The following KIRREL3 variants were observed in gnomAD, a reference collection of about 807,000 sequenced individuals.
KIRREL3 encodes the protein kirre like nephrin family adhesion molecule 3.
Under a neutral mutation model 89.7 loss-of-function variants are expected in KIRREL3, and 36 were observed. That is an observed-to-expected ratio of 0.40 (90% CI 0.31 to 0.53). The LOEUF is 0.53. Ranked by LOEUF, KIRREL3 falls within the 20% of genes least tolerant of loss-of-function variation. KIRREL3 has a pLI of 0.49. For synonymous variants in KIRREL3, 445 were observed against 441.4 expected, an observed-to-expected ratio of 1.01 and a Z score of -0.10; for missense variants, 864 against 1,056.6, an observed-to-expected ratio of 0.82 and a Z score of 2.53.
rs1218302351 is a variant in KIRREL3 at position 126,825,362 on chromosome 11, A to C, written c.55+175093T>G. 2.0e-5 allele frequency among the ~76,000 whole-genome samples: 3 copies of C among 152,244 alleles called. No homozygotes were observed. In the East Asian group the frequency reaches 5.8e-4, roughly 29 times the overall value. On this transcript the variant is annotated intron_variant, in intron 1 of 16. Transcript: ENST00000525144. ...CAAAATACCTAGGATTACAAAAGCC[A>C]GTTATTACATTGAAATACAATTATA...
chr11:126,603,595 T>A (rs1247405101), intron 1 of KIRREL3, among the ~76,000 whole-genome samples: 2 of 152,228 alleles, frequency 1.3e-5, no homozygotes, highest in South Asian at 2.1e-4. Flanking sequence ...GGGAGGAACA[T>A]GCTTGGGTCT....
intron 12 of KIRREL3, among the ~76,000 whole-genome samples, chr11:126,436,477 A>C (rs949989556): frequency 6.6e-6 from 1 of 152,250 alleles, no homozygotes; most frequent in African/African-American, 2.4e-5. Flanking sequence ...CACAGAAGCC[A>C]GGGCCTCTGG....
intron 1 of KIRREL3, among the ~76,000 whole-genome samples, chr11:126,726,376 T>C (rs570377711): frequency 6.6e-6 from 1 of 151,984 alleles, no homozygotes; most frequent in Admixed American, 6.5e-5. Context: ...ATGCCTCCTT[T>C]TTTTCTTTTT....
intron 1 of KIRREL3, among the ~76,000 whole-genome samples, chr11:126,629,400 C>T (rs1284373448): frequency 6.6e-6 from 1 of 152,046 alleles, no homozygotes; most frequent in Non-Finnish European, 1.5e-5. Context: ...CTCTGGGGGG[C>T]CAGCTGGGAG....
chr11:126,450,396 T>TGC (rs1956006700), intron 7 of KIRREL3, among the ~76,000 whole-genome samples: 1 of 150,416 alleles, frequency 6.6e-6, no homozygotes, highest in African/African-American at 2.5e-5. Context: ...AGTGTGGGTA[T>TGC]GTGTGAGTGT....
chr11:126,745,049 T>TCC (rs1422946402), intron 1 of KIRREL3, among the ~76,000 whole-genome samples: 2 of 152,128 alleles, frequency 1.3e-5, no homozygotes, highest in Admixed American at 1.3e-4. Flanking sequence ...GAGACCCTGG[T>TCC]CACCACTGGG....
chr11:126,921,040 A>C (rs1276189210), intron 1 of KIRREL3, among the ~76,000 whole-genome samples: 2 of 152,222 alleles, frequency 1.3e-5, no homozygotes, highest in African/African-American at 4.8e-5. Context: ...CCCTGTGGGC[A>C]CAGACCATCA....
At chr11:126,730,323 T>A (rs139023588) in intron 1 of KIRREL3, among the ~76,000 whole-genome samples, 7 of 152,304 alleles carry the variant, frequency 4.6e-5, no homozygotes, top group Non-Finnish European at 8.8e-5. Flanking sequence ...CTCTGCACCA[T>A]CAACATCCCC....
rs139512203 is a variant in KIRREL3 at position 126,851,737 on chromosome 11, G to A, written c.55+148718C>T. On this transcript the variant is annotated intron_variant, in intron 1 of 16. Coordinates refer to ENST00000525144, the MANE Select transcript of KIRREL3 (RefSeq NM_032531.4). Reference sequence around the variant, plus strand: ...GTGGACTCAGGCTTCCAGTGAAAGCGATTAAGACATCCTGGCAGGGAGGCA... The same window carrying A: ...GTGGACTCAGGCTTCCAGTGAAAGCAATTAAGACATCCTGGCAGGGAGGCA... Among the ~76,000 whole-genome samples, 833 of 152,244 alleles carry A rather than the reference G, an allele frequency of 5.5e-3. 15 individuals are homozygous for A. The highest frequency in any genetic ancestry group is 0.016 in the Admixed American group (242 of 15,300).
At position 126,454,631 on chromosome 11, in the gene KIRREL3, T is replaced by C. The variant is rs577630949; in HGVS notation, c.848+1718A>G. Among the ~76,000 whole-genome samples the C allele has an allele frequency of 6.6e-6, 1 of 152,182 alleles. No homozygotes were observed. Among genetic ancestry groups the C allele is most frequent in the Admixed American group, 6.5e-5 (1 of 15,294 alleles). ...GAACTTGTATGGAGAAACCCAGGCCTGGCAGGTGCAGCGTGGAAGCCTAGG... is the reference window on the plus strand; with the variant it reads ...GAACTTGTATGGAGAAACCCAGGCCCGGCAGGTGCAGCGTGGAAGCCTAGG... On this transcript the variant is annotated intron_variant, in intron 7 of 16. Transcript: ENST00000525144. The surrounding 1 kb of genome is among the most constrained non-coding windows in gnomAD (Gnocchi z 5.8).
chr11:126,506,603 A>G (rs1394601919), intron 4 of KIRREL3, among the ~76,000 whole-genome samples: 1 of 152,216 alleles, frequency 6.6e-6, no homozygotes, highest in Non-Finnish European at 1.5e-5. Flanking sequence ...TGGAATGCTC[A>G]TTTATTGCTG....
At chr11:126,625,333 A>C (rs777995729) in intron 1 of KIRREL3, among the ~76,000 whole-genome samples, 11 of 152,160 alleles carry the variant, frequency 7.2e-5, no homozygotes, top group Admixed American at 3.9e-4. Context: ...AAATCATTTG[A>C]GTATATGGCC....
intron 1 of KIRREL3, among the ~76,000 whole-genome samples, chr11:126,979,506 T>C (rs1949666530): frequency 6.6e-6 from 1 of 152,174 alleles, no homozygotes; most frequent in South Asian, 2.1e-4. Context: ...ACTCGAAGTC[T>C]GGGGAAGGTG....
intron 1 of KIRREL3, among the ~76,000 whole-genome samples, chr11:126,599,655 A>T (rs987725564): frequency 6.6e-6 from 1 of 152,172 alleles, no homozygotes; most frequent in Non-Finnish European, 1.5e-5. Flanking sequence ...CAAGCCTCTG[A>T]AGGGGACTTG....
chr11:126,652,795 CAGA>C lies in KIRREL3; in HGVS notation c.56-89886_56-89884del, dbSNP rs1944957066. 1 of 152,176 alleles carries C rather than the reference CAGA, an allele frequency of 6.6e-6. No homozygotes were observed. The highest frequency in any genetic ancestry group is 2.4e-5 in the African/African-American group (1 of 41,432). The allele number at this position is 152,176 out of a possible 1,614,324, so 9.4% of individuals were successfully genotyped here. A position where few individuals can be genotyped will look rare whatever the true frequency, so the allele number is the denominator to read the frequency against. On this transcript the variant is annotated intron_variant, in intron 1 of 16. Transcript: ENST00000525144. This position sits in a 1 kb window ranked among gnomAD's most constrained non-coding sequence, Gnocchi z 4.9. ...TCACTTTCCAGGCAATTCACCAGGA[CAGA>C]GGCCTTTCAACTTTCCTCCCTGAGA...
chr11:126,901,262 G>T (rs1051625818), intron 1 of KIRREL3, among the ~76,000 whole-genome samples: 2 of 150,036 alleles, frequency 1.3e-5, no homozygotes, highest in Non-Finnish European at 3.0e-5. Flanking sequence ...AACCAGCACA[G>T]CACATAGAAC....
At chr11:126,765,909 G>T (rs925834458) in intron 1 of KIRREL3, among the ~76,000 whole-genome samples, 62 of 152,158 alleles carry the variant, frequency 4.1e-4, no homozygotes, top group African/African-American at 1.5e-3. Flanking sequence ...GGGCAAGGAA[G>T]CCCCTCCCTT....
rs1186454149 is a variant in KIRREL3 at position 126,728,792 on chromosome 11, G to T, written c.56-165880C>A. 2.7e-4 allele frequency among the ~76,000 whole-genome samples: 41 copies of T among 152,336 alleles called. 1 individual carries two copies. The highest frequency in any genetic ancestry group is 2.9e-5 in the Non-Finnish European group (2 of 68,028). On this transcript the variant is annotated intron_variant, in intron 1 of 16. Transcript: ENST00000525144. ...GGGAGGGCCCCCAGGTCCCTTCTGT[G>T]TTGGCTCCATGGCCTCTCTTCTCTC...
In KIRREL3 at chr11:126,788,507, A is replaced by G. The variant is rs1314776006; in HGVS notation, c.55+211948T>C. ...TCAAAGAAGTCCAAGGGAACAGTGC[A>G]GCCACTTCTCAGGGTATCCACCTGG... On this transcript the variant is annotated intron_variant, in intron 1 of 16. Transcript: ENST00000525144. The surrounding 1 kb of genome is among the most constrained non-coding windows in gnomAD (Gnocchi z 4.1). Among the ~76,000 whole-genome samples, 1 of 152,240 alleles carries G rather than the reference A, an allele frequency of 6.6e-6. No homozygotes were observed. Among genetic ancestry groups the G allele is most frequent in the African/African-American group, 2.4e-5 (1 of 41,464 alleles).
Sources: allele counts gnomAD v4.1 joint callset (sites outside exome capture counted in the v4.1 genomes callset), GRCh38; gene constraint gnomAD v4.1.1; non-coding constraint Gnocchi (gnomAD v3.1); transcripts MANE v1.5; gene names NCBI Gene and HGNC (gene_info 2026-07-23, HGNC 2026-07-21).